PRR16: variants seen among roughly 807,000 people sequenced by gnomAD.
PRR16 encodes the protein protein Largen.
PRR16 carries 6 observed loss-of-function variants against 18.2 expected under a neutral mutation model. The ratio of observed to expected loss-of-function variants is 0.33; its 90% CI spans 0.18 to 0.65. The LOEUF (loss-of-function observed/expected upper bound fraction) is 0.65. PRR16 is among the 30% of genes least tolerant of loss of function. The pLI is 0.74. For missense variants in PRR16, 412 were observed against 376.6 expected (o/e 1.09, Z -0.78); for synonymous variants, 151 against 147.8 (o/e 1.02, Z -0.16).
At chr5:120,496,768 C>T (rs1193434815) in intron 1 of PRR16, among the ~76,000 whole-genome samples, 2 of 151,514 alleles carry the variant, frequency 1.3e-5, no homozygotes, top group Non-Finnish European at 2.9e-5. Flanking sequence ...TTTTCTCTTC[C>T]TAGGCTCTTG....
At chr5:120,544,117 A>G (rs962069897) in intron 1 of PRR16, among the ~76,000 whole-genome samples, 2 of 152,152 alleles carry the variant, frequency 1.3e-5, no homozygotes, top group Admixed American at 6.5e-5. Context: ...AAATGCTTGA[A>G]GTTGTCTGCT....
At chr5:120,558,617 C>T (rs1752486679) in intron 1 of PRR16, among the ~76,000 whole-genome samples, 1 of 151,900 alleles carries the variant, frequency 6.6e-6, no homozygotes, top group African/African-American at 2.4e-5. Flanking sequence ...TATAGGAGTG[C>T]AGATATCTCT....
chr5:120,558,217 C>T (rs1383456953), intron 1 of PRR16, among the ~76,000 whole-genome samples: 1 of 151,804 alleles, frequency 6.6e-6, no homozygotes, highest in Non-Finnish European at 1.5e-5. Context: ...CCCTGTTGTG[C>T]TGTCAAATAC....
At chr5:120,480,461 A>G (rs1749575173) in intron 1 of PRR16, among the ~76,000 whole-genome samples, 1 of 152,160 alleles carries the variant, frequency 6.6e-6, no homozygotes, top group Non-Finnish European at 1.5e-5. Flanking sequence ...CCAAGAAACC[A>G]TCCAAGACAA....
chr5:120,561,353 T>G (rs566129232), intron 1 of PRR16, among the ~76,000 whole-genome samples: 2 of 152,268 alleles, frequency 1.3e-5, no homozygotes, highest in South Asian at 4.1e-4. Context: ...TCAATTTTCT[T>G]CTTAATTTCT....
At position 120,686,900 on chromosome 5, in the gene PRR16, G is replaced by C; in HGVS notation, c.*191G>C. 2.4e-6 allele frequency: 1 copy of C among 410,838 alleles called. No individual in the cohort carries two copies. Among genetic ancestry groups the C allele is most frequent in the Non-Finnish European group, 4.2e-6 (1 of 239,900 alleles). 25.4% of individuals were successfully genotyped at this position (410,838 alleles called of 1,614,324 possible). A position where few individuals can be genotyped will look rare whatever the true frequency, so the allele number is the denominator to read the frequency against. ...CTGGGTATGCATTATTTTAAATGTTGTATCATTAAAAACCTCAGAATGATG... is the reference window on the plus strand; with the variant it reads ...CTGGGTATGCATTATTTTAAATGTTCTATCATTAAAAACCTCAGAATGATG... On this transcript the variant is annotated 3_prime_UTR_variant, in exon 2 of 2. Coordinates refer to ENST00000407149, the MANE Select transcript of PRR16 (RefSeq NM_001300783.2).
the PRR16 span, among the ~76,000 whole-genome samples, chr5:120,754,301 T>C: frequency 2.5e-4 from 24 of 94,812 alleles, no homozygotes; most frequent in African/African-American, 1.1e-3. Context: ...ATATATAATA[T>C]ATAATATATA....
intron 1 of PRR16, among the ~76,000 whole-genome samples, chr5:120,682,636 T>C (rs773889843): frequency 6.3e-4 from 96 of 152,144 alleles, no homozygotes; most frequent in Non-Finnish European, 1.1e-3. Context: ...CCAGGTGAAA[T>C]AGGACAAGGA....
chr5:120,788,799 C>T, the PRR16 span, among the ~76,000 whole-genome samples: 3 of 152,000 alleles, frequency 2.0e-5, no homozygotes, highest in Non-Finnish European at 2.9e-5. Flanking sequence ...GACCTGTGTT[C>T]AGTGATTTTT....
chr5:120,465,983 C>G (rs1422918161), intron 1 of PRR16, among the ~76,000 whole-genome samples: 1 of 152,100 alleles, frequency 6.6e-6, no homozygotes, highest in Non-Finnish European at 1.5e-5. Flanking sequence ...CATTTGTTAC[C>G]TAATGCAAGT....
At chr5:120,481,304 T>C (rs1301424351) in intron 1 of PRR16, 1 of 443,658 alleles carries the variant, frequency 2.3e-6, no homozygotes, top group Admixed American at 2.4e-5. Flanking sequence ...GTAAGTTTTG[T>C]ATTTTTAGCA....
the PRR16 span, among the ~76,000 whole-genome samples, chr5:120,719,277 G>T: frequency 3.9e-5 from 6 of 151,970 alleles, no homozygotes; most frequent in African/African-American, 1.4e-4. Flanking sequence ...TGACAATAAT[G>T]ATAGATAATC....
intron 1 of PRR16, among the ~76,000 whole-genome samples, chr5:120,580,638 G>A (rs1381372254): frequency 2.0e-5 from 3 of 151,826 alleles, no homozygotes; most frequent in African/African-American, 7.3e-5. Context: ...TGTATTTTTA[G>A]TAGAGATGAG....
downstream of PRR16, among the ~76,000 whole-genome samples, chr5:120,691,047 A>G (rs1158180985): frequency 6.6e-6 from 1 of 152,208 alleles, no homozygotes; most frequent in Non-Finnish European, 1.5e-5. Flanking sequence ...TTCTTTCTCA[A>G]AGTTAACATA....
chr5:120,520,186 A>C (rs978992424), intron 1 of PRR16, among the ~76,000 whole-genome samples: 1 of 152,182 alleles, frequency 6.6e-6, no homozygotes, highest in African/African-American at 2.4e-5. Context: ...ACTTGATGTC[A>C]GGCGTTCGAG....
At chr5:120,741,923 A>G in the PRR16 span, among the ~76,000 whole-genome samples, 5 of 152,242 alleles carry the variant, frequency 3.3e-5, no homozygotes, top group Non-Finnish European at 7.4e-5. Context: ...TATAGATACT[A>G]TAAGATTTAG....
intron 1 of PRR16, among the ~76,000 whole-genome samples, chr5:120,678,974 A>G (rs775128880): frequency 6.6e-6 from 1 of 152,144 alleles, no homozygotes; most frequent in African/African-American, 2.4e-5. Flanking sequence ...TTGAAATTAG[A>G]TATATTTATC....
At chr5:120,774,216 G>A in the PRR16 span, among the ~76,000 whole-genome samples, 4 of 152,082 alleles carry the variant, frequency 2.6e-5, no homozygotes, top group South Asian at 4.1e-4. Context: ...TTAATTGTAC[G>A]ATTCTTAGCT....
chr5:120,549,012 C>T (rs764249243), intron 1 of PRR16, among the ~76,000 whole-genome samples: 4 of 151,744 alleles, frequency 2.6e-5, no homozygotes, highest in East Asian at 1.9e-4. Context: ...CATTTGACTT[C>T]GTTTCCTATT....
Sources: allele counts gnomAD v4.1 joint callset (sites outside exome capture counted in the v4.1 genomes callset), GRCh38; gene constraint gnomAD v4.1.1; transcripts MANE v1.5; gene names NCBI Gene and HGNC (gene_info 2026-07-23, HGNC 2026-07-21).